CTNNA1: variants seen among roughly 807,000 people sequenced by gnomAD.
CTNNA1 encodes catenin alpha 1, also known as catenin alpha-1.
In CTNNA1, 37 loss-of-function variants were observed where a neutral mutation model predicts 98.4. The ratio of observed to expected loss-of-function variants is 0.38; its 90% CI spans 0.29 to 0.49. The LOEUF is 0.49. CTNNA1 is among the 20% of genes least tolerant of loss of function. The pLI is 0.95. For synonymous variants in CTNNA1, 404 were observed against 413.2 expected (o/e 0.98, Z 0.27); for missense variants, 761 against 1,147.2 (o/e 0.66, Z 4.86).
chr5:138,925,411 A>G lies in CTNNA1; in HGVS notation c.1899+4A>G, dbSNP rs371589105. ...GAAAGCAGTGCTGATGATAAGGGTG[A>G]GTAACTGCATTTCAGACGTCTTAAC... On this transcript the variant is annotated splice_donor_region_variant and intron_variant, in intron 13 of 17. Coordinates refer to ENST00000302763, the MANE Select transcript of CTNNA1 (RefSeq NM_001903.5). The G allele has an allele frequency of 1.3e-5, 21 of 1,613,220 alleles. No individual in the cohort carries two copies. In the African/African-American group the frequency reaches 2.3e-4, roughly 17 times the overall value.
At chr5:138,894,000 C>G (rs1263520505) in intron 9 of CTNNA1, among the ~76,000 whole-genome samples, 2 of 152,134 alleles carry the variant, frequency 1.3e-5, no homozygotes, top group African/African-American at 4.8e-5. Context: ...TCACTGCAGG[C>G]TTCGCCTCCC....
chr5:138,815,739 A>C (rs1759367776), intron 5 of CTNNA1, among the ~76,000 whole-genome samples: 2 of 151,954 alleles, frequency 1.3e-5, no homozygotes, highest in Non-Finnish European at 2.9e-5. Flanking sequence ...TCTTGGGTTT[A>C]TAGTAAGTCA....
At chr5:138,818,498 T>A (rs1759684223) in intron 5 of CTNNA1, among the ~76,000 whole-genome samples, 1 of 152,210 alleles carries the variant, frequency 6.6e-6, no homozygotes, top group Non-Finnish European at 1.5e-5. Context: ...GTCTTTTGAA[T>A]GGCTTTTATA....
At chr5:138,912,399 GAGACAA>G (rs996858247) in intron 10 of CTNNA1, among the ~76,000 whole-genome samples, 1 of 152,152 alleles carries the variant, frequency 6.6e-6, no homozygotes, top group African/African-American at 2.4e-5. Flanking sequence ...GAGAGCAAAG[GAGACAA>G]AGACAAAATA....
intron 16 of CTNNA1, chr5:138,931,182 T>C (rs1765220308): frequency 4.3e-6 from 2 of 462,244 alleles, no homozygotes; most frequent in Admixed American, 3.4e-5. Flanking sequence ...CAGTTCCCTC[T>C]CTCCCCCTCT....
At chr5:138,832,119 A>G (rs1761331060) in intron 7 of CTNNA1, among the ~76,000 whole-genome samples, 1 of 152,224 alleles carries the variant, frequency 6.6e-6, no homozygotes, top group African/African-American at 2.4e-5. Flanking sequence ...GTTAAATTTA[A>G]TTCATCAGCT....
chr5:138,799,857 G>GATAT (rs1554081132), intron 3 of CTNNA1, among the ~76,000 whole-genome samples: 1 of 149,024 alleles, frequency 6.7e-6, no homozygotes, highest in South Asian at 2.2e-4. Context: ...AGTAGATGTA[G>GATAT]ATGTATGTAT....
Position 138,926,933 on chromosome 5 carries a change from TGTTA to T in CTNNA1, c.1899+1530_1899+1533del, listed in dbSNP as rs1764195659. 3.3e-5 allele frequency among the ~76,000 whole-genome samples: 5 copies of T among 152,128 alleles called. No individual in the cohort carries two copies. In the South Asian group the frequency reaches 1.0e-3, roughly 32 times the overall value. On this transcript the variant is annotated intron_variant, in intron 13 of 17. Transcript: ENST00000302763. Reference sequence around the variant, plus strand: ...TCACTTGCTCCACCCAGGCAGCACATGTTAGTTGATAGTGACTCCGTCTTCCCTT... The same window carrying T: ...TCACTTGCTCCACCCAGGCAGCACATGTTGATAGTGACTCCGTCTTCCCTT...
At chr5:138,924,386 A>G (rs1763570384) in intron 11 of CTNNA1, 124 bp from the exon 12 acceptor site, 2 of 827,272 alleles carry the variant, frequency 2.4e-6, no homozygotes, top group Non-Finnish European at 3.9e-6. Context: ...CCAATGAAGT[A>G]TATGTAAAAC....
chr5:138,807,345 G>C (rs1454842407), intron 3 of CTNNA1, among the ~76,000 whole-genome samples: 3 of 151,662 alleles, frequency 2.0e-5, no homozygotes, highest in Non-Finnish European at 2.9e-5. Context: ...CCTTCTGCTT[G>C]AGGTGGTAAC....
rs1750842525 is a variant in CTNNA1, at chr5:138,873,122, T to C, written c.1063-13090T>C. On this transcript the variant is annotated intron_variant, in intron 7 of 17. Transcript: ENST00000302763. This position sits in a 1 kb window ranked among gnomAD's most constrained non-coding sequence, Gnocchi z 6.1. Reference sequence around the variant, plus strand: ...TTCATATTCATTATACGGTCCTTGGTCTGACATGTTTGACATATGGAGTCG... The same window carrying C: ...TTCATATTCATTATACGGTCCTTGGCCTGACATGTTTGACATATGGAGTCG... The C allele has an allele frequency of 6.2e-7, 1 of 1,613,914 alleles. No individual in the cohort carries two copies. The highest frequency in any genetic ancestry group is 1.7e-5 in the Admixed American group (1 of 60,004).
chr5:138,842,895 A>G (rs1003213937), intron 7 of CTNNA1, among the ~76,000 whole-genome samples: 7 of 152,206 alleles, frequency 4.6e-5, no homozygotes, highest in Non-Finnish European at 8.8e-5. Flanking sequence ...ATATTGGCCA[A>G]CTGTAGAGGT....
At chr5:138,833,072 C>T (rs937906941) in intron 7 of CTNNA1, among the ~76,000 whole-genome samples, 3 of 152,064 alleles carry the variant, frequency 2.0e-5, no homozygotes, top group African/African-American at 7.2e-5. Context: ...GTTACCATAC[C>T]CCCCTTCAAC....
chr5:138,930,021 A>T (rs1373017907), intron 14 of CTNNA1, among the ~76,000 whole-genome samples: 1 of 152,200 alleles, frequency 6.6e-6, no homozygotes, highest in African/African-American at 2.4e-5. Flanking sequence ...GTATGGCCTG[A>T]GTGCCAGCGG....
intron 1 of CTNNA1, among the ~76,000 whole-genome samples, chr5:138,769,400 A>ATTT (rs914828479): frequency 6.6e-5 from 10 of 151,300 alleles, no homozygotes; most frequent in Admixed American, 5.3e-4. Flanking sequence ...TATTATTATT[A>ATTT]TTTTTTGAGA....
chr5:138,880,749 ATACT>A, intron 7 of CTNNA1: 1 of 292,664 alleles, frequency 3.4e-6, no homozygotes, highest in Non-Finnish European at 6.8e-6. Context: ...ATACCCGTTC[ATACT>A]TACTTGAAGA....
At chr5:138,831,874 G>T (rs1486773552) in intron 7 of CTNNA1, among the ~76,000 whole-genome samples, 2 of 152,204 alleles carry the variant, frequency 1.3e-5, no homozygotes, top group Non-Finnish European at 2.9e-5. Context: ...TTGTAGGAAT[G>T]AATAAAATGA....
chr5:138,880,160 A>T (rs528744914), intron 7 of CTNNA1: 1 of 152,230 alleles, frequency 6.6e-6, no homozygotes, highest in East Asian at 1.9e-4. Flanking sequence ...TCTATCTTGA[A>T]GTTTTTGTGT....
intron 1 of CTNNA1, among the ~76,000 whole-genome samples, chr5:138,780,251 C>T (rs1356252880): frequency 2.0e-5 from 3 of 151,700 alleles, no homozygotes; most frequent in East Asian, 3.9e-4. Context: ...ACTGCAGTGG[C>T]GCTATCTCTG....
Sources: gnomAD v4.1 joint callset for allele counts (sites outside exome capture counted in the v4.1 genomes callset) on GRCh38, gnomAD v4.1.1 for gene constraint, Gnocchi (gnomAD v3.1) non-coding constraint, MANE v1.5 for transcripts, NCBI Gene and HGNC (gene_info 2026-07-23, HGNC 2026-07-21) for gene names.